DENND1A: variants seen among roughly 807,000 people sequenced by gnomAD.
DENND1A encodes DENN domain containing 1A.
In DENND1A, 51 loss-of-function variants were observed where a neutral mutation model predicts 113.7. The ratio of observed to expected loss-of-function variants is 0.45; its 90% confidence interval spans 0.36 to 0.57. DENND1A has a LOEUF of 0.57. Ranked by LOEUF, DENND1A falls within the 20% of genes least tolerant of loss-of-function variation. DENND1A has a pLI of 0.00. For synonymous variants in DENND1A, 565 were observed against 570.8 expected (o/e 0.99, Z 0.14); for missense variants, 1,258 against 1,395.9 (o/e 0.90, Z 1.57).
chr9:123,420,043 A>C (rs909387977), intron 19 of DENND1A, among the ~76,000 whole-genome samples: 2 of 152,336 alleles, frequency 1.3e-5, no homozygotes, highest in Non-Finnish European at 2.9e-5. Flanking sequence ...TTGCAGAGAT[A>C]ACAAGCTGTC....
intron 5 of DENND1A, among the ~76,000 whole-genome samples, chr9:123,696,333 G>C (rs2065519423): frequency 6.6e-6 from 1 of 152,180 alleles, no homozygotes; most frequent in Admixed American, 6.6e-5. Flanking sequence ...TAGAATTCAT[G>C]ACTACAAGGT....
chr9:123,819,460 C>T (rs776600108), intron 2 of DENND1A, among the ~76,000 whole-genome samples: 1 of 152,164 alleles, frequency 6.6e-6, no homozygotes, highest in African/African-American at 2.4e-5. Context: ...GGTGGGTACA[C>T]AGGTATTAAC....
At chr9:123,785,523 G>A (rs1832015234) in intron 3 of DENND1A, among the ~76,000 whole-genome samples, 1 of 151,946 alleles carries the variant, frequency 6.6e-6, no homozygotes, top group African/African-American at 2.4e-5. Context: ...CCTATACTTA[G>A]AAAACATTTA....
Position 123,607,310 on chromosome 9 carries a change from C to T in DENND1A, c.765+2126G>A, listed in dbSNP as rs76446139. ...TGAAGGCAGTGAGGAAAGAACAGGG[C>T]GAGAGACGTTTTGGAGCTTTGTGAG... On this transcript the variant is annotated intron_variant, in intron 11 of 23. Transcript: ENST00000394215. Among the ~76,000 whole-genome samples, 794 of 150,874 alleles carry T rather than the reference C, an allele frequency of 5.3e-3. 7 individuals carry two copies. The highest frequency in any genetic ancestry group is 0.018 in the African/African-American group (750 of 41,078).
intron 9 of DENND1A, among the ~76,000 whole-genome samples, chr9:123,645,078 T>C (rs887702911): frequency 6.6e-6 from 1 of 152,212 alleles, no homozygotes; most frequent in Non-Finnish European, 1.5e-5. Flanking sequence ...AAACAATCAA[T>C]ATACATTAAC....
intron 7 of DENND1A, 89 bp downstream of exon 7, chr9:123,671,202 G>C: frequency 6.6e-7 from 1 of 1,516,558 alleles, no homozygotes; most frequent in Non-Finnish European, 9.1e-7. Context: ...AGGTATGGCT[G>C]ACAAAATACA....
At chr9:123,409,232 G>T (rs1454694324) in intron 20 of DENND1A, among the ~76,000 whole-genome samples, 1 of 151,918 alleles carries the variant, frequency 6.6e-6, no homozygotes, top group African/African-American at 2.4e-5. Flanking sequence ...ACCTAACATG[G>T]CACTGGAGAT....
chr9:123,836,216 C>T (rs763453826), intron 2 of DENND1A, among the ~76,000 whole-genome samples: 4 of 152,072 alleles, frequency 2.6e-5, no homozygotes, highest in Non-Finnish European at 4.4e-5. Context: ...TCAGTATGTC[C>T]AGGGCACTGT....
At chr9:123,576,928 A>G (rs2058668987) in intron 12 of DENND1A, among the ~76,000 whole-genome samples, 1 of 151,852 alleles carries the variant, frequency 6.6e-6, no homozygotes, top group Non-Finnish European at 1.5e-5. Context: ...CTTGGTTTTG[A>G]GCAATTAATC....
intron 13 of DENND1A, among the ~76,000 whole-genome samples, chr9:123,526,419 C>G (rs1272747428): frequency 2.0e-5 from 3 of 152,206 alleles, no homozygotes; most frequent in Non-Finnish European, 4.4e-5. Flanking sequence ...ATCAGCATTT[C>G]CATGTACTCA....
At chr9:123,832,998 G>A (rs1487359405) in intron 2 of DENND1A, among the ~76,000 whole-genome samples, 1 of 151,986 alleles carries the variant, frequency 6.6e-6, no homozygotes, top group Non-Finnish European at 1.5e-5. Flanking sequence ...AGCGGTCCAT[G>A]CCTGTAGTCA....
At chr9:123,744,770 CTT>C (rs57945475) in intron 5 of DENND1A, among the ~76,000 whole-genome samples, 14 of 102,712 alleles carry the variant, frequency 1.4e-4, no homozygotes, top group East Asian at 1.3e-3. Context: ...TATATTAGCT[CTT>C]TTTTTTTTTT....
At position 123,833,399 on chromosome 9, in the gene DENND1A, C is replaced by T. The variant is rs571346648; in HGVS notation, c.89-40769G>A. Among the ~76,000 whole-genome samples the T allele has an allele frequency of 2.0e-5, 3 of 152,096 alleles. No individual in the cohort carries two copies. In the South Asian group the frequency reaches 6.2e-4, roughly 32 times the overall value. On this transcript the variant is annotated intron_variant, in intron 2 of 23. Transcript: ENST00000394215. ...AAAAACAAATAGCTGGAAAAAAAAT[C>T]AGAATTTTACACTTTTTGGCAGACA... is the stretch of plus-strand genomic sequence containing the variant.
intron 1 of DENND1A, among the ~76,000 whole-genome samples, chr9:123,916,531 C>G (rs2134096224): frequency 6.6e-6 from 1 of 152,114 alleles, no homozygotes; most frequent in South Asian, 2.1e-4. Context: ...TGCCACCACG[C>G]CCAGCTTATT....
chr9:123,784,198 G>A (rs906093872), intron 3 of DENND1A, among the ~76,000 whole-genome samples: 2 of 152,190 alleles, frequency 1.3e-5, no homozygotes, highest in Non-Finnish European at 2.9e-5. Flanking sequence ...AAGTCAGACT[G>A]TGACCAGCCT....
At chr9:123,646,770 G>A (rs1033601079) in intron 9 of DENND1A, among the ~76,000 whole-genome samples, 6 of 152,100 alleles carry the variant, frequency 3.9e-5, no homozygotes, top group South Asian at 2.1e-4. Context: ...GTTCACTGCC[G>A]TAATCCCCAG....
At chr9:123,607,024 C>G (rs970909600) in intron 11 of DENND1A, among the ~76,000 whole-genome samples, 4 of 152,154 alleles carry the variant, frequency 2.6e-5, no homozygotes, top group African/African-American at 9.7e-5. Flanking sequence ...AGCCAGAAGG[C>G]TTGACAGTAG....
At chr9:123,389,643 G>A (rs948079974) in intron 21 of DENND1A, among the ~76,000 whole-genome samples, 2 of 152,220 alleles carry the variant, frequency 1.3e-5, no homozygotes, top group Admixed American at 1.3e-4. Context: ...CTATAAATCT[G>A]CCATTCTGAA....
At chr9:123,648,809 G>A (rs2062480794) in intron 9 of DENND1A, among the ~76,000 whole-genome samples, 1 of 152,048 alleles carries the variant, frequency 6.6e-6, no homozygotes, top group Non-Finnish European at 1.5e-5. Flanking sequence ...TTATTTTTGT[G>A]TGTGTACAAT....
Sources: gnomAD v4.1 joint callset for allele counts (sites outside exome capture counted in the v4.1 genomes callset) on GRCh38, gnomAD v4.1.1 for gene constraint, MANE v1.5 for transcripts, NCBI Gene and HGNC (gene_info 2026-07-23, HGNC 2026-07-21) for gene names.